The following CHM variants were observed in gnomAD, a reference collection of about 807,000 sequenced individuals.
The protein encoded by CHM is CHM Rab escort protein, also known as rab proteins geranylgeranyltransferase component A 1.
Under a neutral mutation model 49.0 loss-of-function variants are expected in CHM, and 10 were observed. The observed-to-expected ratio is 0.20, with a 90% CI of 0.13 to 0.35. CHM has a LOEUF of 0.35. Among genes scored for constraint, CHM ranks in the 10% least tolerant of loss-of-function variants. The pLI is 1.00. For missense variants in CHM, 455 were observed against 478.4 expected (o/e 0.95, Z 0.46); for synonymous variants, 184 against 167.5 (o/e 1.10, Z -0.76).
chrX:86,013,423 T>C (rs759097321), intron 2 of CHM, among the ~76,000 whole-genome samples: 21 of 111,602 alleles, frequency 1.9e-4, no homozygotes, highest in African/African-American at 6.8e-4. Context: ...AAAACAAGTA[T>C]GCTTTACATG....
At chrX:85,913,131 C>T (rs973576250) in intron 8 of CHM, among the ~76,000 whole-genome samples, 8 of 89,413 alleles carry the variant, frequency 8.9e-5, no homozygotes, top group Admixed American at 4.9e-4. Context: ...TCGAGACCAG[C>T]CCGGTGAAAC....
chrX:86,047,422 G>T, intron 1 of CHM, 62 bp downstream of exon 1: 2 of 1,092,369 alleles, frequency 1.8e-6, no homozygotes, highest in Non-Finnish European at 2.5e-6. Context: ...GCCACTGACA[G>T]AAAAAACAGA....
intron 8 of CHM, among the ~76,000 whole-genome samples, chrX:85,920,350 C>T (rs1415679703): frequency 9.0e-6 from 1 of 111,509 alleles, no homozygotes; most frequent in Non-Finnish European, 1.9e-5. Flanking sequence ...CCCGCCTCAG[C>T]TTCCCAAAGT....
chrX:85,993,931 T>C (rs1001047542), intron 2 of CHM, among the ~76,000 whole-genome samples: 1 of 112,210 alleles, frequency 8.9e-6, no homozygotes, highest in African/African-American at 3.2e-5. Context: ...TTCCACAGCT[T>C]TGCACATACT....
chrX:85,899,961 G>A (rs1300273727), intron 11 of CHM, among the ~76,000 whole-genome samples: 1 of 110,097 alleles, frequency 9.1e-6, no homozygotes, highest in Non-Finnish European at 1.9e-5. Flanking sequence ...ACTGTTGGTT[G>A]GAATGCAAAT....
chrX:85,896,997 T>C (rs1050903162), intron 11 of CHM, among the ~76,000 whole-genome samples: 1 of 94,452 alleles, frequency 1.1e-5, no homozygotes, highest in Non-Finnish European at 2.0e-5. Context: ...TATATATTAA[T>C]TATATAATAC....
intron 14 of CHM, among the ~76,000 whole-genome samples, chrX:85,865,992 C>A (rs1195893778): frequency 8.9e-6 from 1 of 112,307 alleles, no homozygotes; most frequent in African/African-American, 3.2e-5. Flanking sequence ...GGAAGCAGAG[C>A]ATAAAGGTTT....
At chrX:85,997,766 A>G (rs1198926352) in intron 2 of CHM, among the ~76,000 whole-genome samples, 1 of 111,232 alleles carries the variant, frequency 9.0e-6, no homozygotes, top group Non-Finnish European at 1.9e-5. Flanking sequence ...GCTGGCCAAC[A>G]TGGTGAAATC....
At position 86,008,464 on chromosome X, in the gene CHM, G is replaced by C. The variant is rs5967665; in HGVS notation, c.116+19027C>G. On this transcript the variant is annotated intron_variant, in intron 2 of 14. Transcript: ENST00000357749. ...ACCTATATTTTAAAAAGTGATAGCA[G>C]TATGCTTTTTATTGTTGTCTTCATG... 8.6e-3 allele frequency among the ~76,000 whole-genome samples: 958 copies of C among 111,146 alleles called. 5 individuals are homozygous for C. Among genetic ancestry groups the C allele is most frequent in the African/African-American group, 0.029 (889 of 30,579 alleles).
At chrX:85,973,235 G>A (rs377153726) in intron 4 of CHM, among the ~76,000 whole-genome samples, 173 of 90,170 alleles carry the variant, frequency 1.9e-3, no homozygotes, top group Middle Eastern at 8.5e-3. Flanking sequence ...GGAGGCAGAG[G>A]TTGCAATGAA....
intron 12 of CHM, among the ~76,000 whole-genome samples, chrX:85,887,159 T>C (rs990204007): frequency 1.8e-5 from 2 of 110,185 alleles, no homozygotes; most frequent in African/African-American, 6.6e-5. Context: ...TATGGTGATA[T>C]GGTTTGGCTG....
In CHM at chrX:85,900,674, G is replaced by T; in HGVS notation, c.1385C>A (p.Ser462Tyr). 8.4e-7 allele frequency: 1 copy of T among 1,188,704 alleles called. No homozygotes were observed. Among genetic ancestry groups the T allele is most frequent in the Non-Finnish European group, 1.1e-6 (1 of 876,224 alleles). The change falls in exon 11 of 15, where the codon TCT becomes TAT. Residue 462 changes from serine to tyrosine, a missense_variant. Physicochemically the swap from Ser to Tyr is moderately radical, Grantham distance 144. Transcript: ENST00000357749. ...TTGATCTGAATCTGTTTTTAGGACA[G>T]ATCTATCTGTAATCAGCACTGCCCT... is the stretch of plus-strand genomic sequence containing the variant. ...ISRAVLITDR[S>Y]VLKTDSDQQI...
intron 4 of CHM, among the ~76,000 whole-genome samples, chrX:85,972,062 T>C (rs1930953714): frequency 9.0e-6 from 1 of 110,766 alleles, no homozygotes; most frequent in African/African-American, 3.3e-5. Context: ...TGTCGATTGG[T>C]GCACTCACAA....
intron 2 of CHM, chrX:86,019,470 A>T (rs1340335864): frequency 8.9e-6 from 1 of 112,451 alleles, no homozygotes; most frequent in Non-Finnish European, 1.9e-5. Flanking sequence ...TATTAAAGAT[A>T]ACACTGAAGG....
intron 12 of CHM, among the ~76,000 whole-genome samples, chrX:85,881,975 T>C (rs1924789711): frequency 8.9e-6 from 1 of 112,197 alleles, no homozygotes; most frequent in Non-Finnish European, 1.9e-5. Flanking sequence ...TCCATTTATT[T>C]TTTTAAATGG....
At chrX:85,910,772 A>C (rs753967406) in intron 9 of CHM, among the ~76,000 whole-genome samples, 1 of 109,698 alleles carries the variant, frequency 9.1e-6, no homozygotes, top group East Asian at 2.9e-4. Context: ...ATGAGTCTTT[A>C]GGTGAATTCC....
At chrX:85,958,813 T>C (rs1930138494) in intron 6 of CHM, 48 bp downstream of exon 6, 4 of 1,208,562 alleles carry the variant, frequency 3.3e-6, no homozygotes, top group South Asian at 1.8e-5. Context: ...AAACAAACCA[T>C]AATAACTTAA....
rs1358171862 is a variant in CHM, at chrX:86,016,243, G to GA, written c.116+11247dup. ...AAATTTGCAGCCTGACAATGTGATAGAAAAAAAAAAATTCTGAAGAAAAAC... is the reference window on the plus strand; with the variant it reads ...AAATTTGCAGCCTGACAATGTGATAGAAAAAAAAAAAATTCTGAAGAAAAAC... On this transcript the variant is annotated intron_variant, in intron 2 of 14. Coordinates refer to ENST00000357749, the MANE Select transcript of CHM (RefSeq NM_000390.4). Among the ~76,000 whole-genome samples the GA allele has an allele frequency of 7.3e-3, 782 of 106,798 alleles. 4 individuals are homozygous for GA. Among genetic ancestry groups the GA allele is most frequent in the Non-Finnish European group, 0.011 (567 of 51,365 alleles). The allele number at this position is 106,798 out of a possible 115,157, so 92.7% of individuals were successfully genotyped here.
chrX:86,028,211 C>T (rs527567152), intron 1 of CHM, among the ~76,000 whole-genome samples: 25 of 112,341 alleles, frequency 2.2e-4, no homozygotes, highest in African/African-American at 8.1e-4. Context: ...CACACACTAG[C>T]TCATCTGAGT....
Sources: gnomAD v4.1 joint callset for allele counts (sites outside exome capture counted in the v4.1 genomes callset) on GRCh38, gnomAD v4.1.1 for gene constraint, MANE v1.5 for transcripts, NCBI Gene and HGNC (gene_info 2026-07-23, HGNC 2026-07-21) for gene names.